Variants in PSRC1 observed in about 807,000 individuals in gnomAD.
PSRC1 encodes the protein proline and serine rich coiled-coil 1, also known as proline/serine-rich coiled-coil protein 1.
Under a neutral mutation model 31.9 loss-of-function variants are expected in PSRC1, and 30 were observed. That is an observed-to-expected ratio of 0.94 (90% CI 0.70 to 1.28). The LOEUF is 1.28. Ranked by LOEUF, PSRC1 falls within the 50% of genes most tolerant of loss-of-function variation. PSRC1 has a pLI of 0.00. For missense variants in PSRC1, 481 were observed against 472.8 expected, an observed-to-expected ratio of 1.02 and a Z score of -0.16; for synonymous variants, 191 against 192.1, an observed-to-expected ratio of 0.99 and a Z score of 0.05.
chr1:109,281,179 G>C, exon 5 of PSRC1: 6 of 1,613,676 alleles, frequency 3.7e-6, no homozygotes, highest in Non-Finnish European at 5.1e-6. Flanking sequence ...CCCCGGACTG[G>C]GGGAGTCGAT....
chr1:109,281,851 C>G (rs35471088), exon 4 of PSRC1: 11 of 1,613,742 alleles, frequency 6.8e-6, no homozygotes, highest in East Asian at 2.2e-5. Flanking sequence ...TGCGCTCTCC[C>G]GATCCTGCAG....
At chr1:109,280,887 C>T (rs115047241) in exon 5 of PSRC1, 65 of 1,614,074 alleles carry the variant, frequency 4.0e-5, no homozygotes, top group East Asian at 4.0e-4. Flanking sequence ...TGGCACACTC[C>T]GGCTGGTGAG....
Position 109,280,383 on chromosome 1 carries a change from G to T in PSRC1, c.1088+13C>A. ...GTAGGGAGACAGGATGGGCAAGGGA[G>T]GACCAGACTGACCTGGTAGGTCCTG... On this transcript the variant is annotated intron_variant, in intron 6 of 6. Transcript: ENST00000409138. 1 of 1,594,732 alleles carries T rather than the reference G, an allele frequency of 6.3e-7. No homozygotes were observed. The highest frequency in any genetic ancestry group is 1.1e-5 in the South Asian group (1 of 89,230).
rs1225336624 is a variant in PSRC1, at chr1:109,281,270, G to A, written c.520-19C>T. 3.2e-6 allele frequency: 5 copies of A among 1,538,654 alleles called. No homozygotes were observed. In the Admixed American group the frequency reaches 6.3e-5, roughly 19 times the overall value. On this transcript the variant is annotated intron_variant, in intron 4 of 6. Coordinates refer to ENST00000409138, the Ensembl canonical transcript of PSRC1. ...GTGACTCCTGAAACACAAAGAGAGA[G>A]AGAAAAAAGACTAGAGTGGAAAAAA...
At chr1:109,281,320 T>A in intron 4 of PSRC1, 69 bp from the exon 5 acceptor site, 1 of 1,340,964 alleles carries the variant, frequency 7.5e-7, no homozygotes, top group Non-Finnish European at 1.0e-6. Flanking sequence ...CTTAAGGAAT[T>A]AAGAAATAGA....
rs1570804796 is a variant in PSRC1 at position 109,279,816 on chromosome 1, A to T, written c.*337T>A. ...TCCAGTGAACCAATGCCAAGGAAGAAGATAAAATTCTCTGGGGCTGACCAC... is the reference window on the plus strand; with the variant it reads ...TCCAGTGAACCAATGCCAAGGAAGATGATAAAATTCTCTGGGGCTGACCAC... On this transcript the variant is annotated 3_prime_UTR_variant, in exon 7 of 7. Transcript: ENST00000409138. 8.4e-6 allele frequency: 3 copies of T among 356,756 alleles called. No homozygotes were observed. The Middle Eastern group carries it at 2.5e-3, about 293-fold the overall frequency. The allele number at this position is 356,756 out of a possible 1,614,324, so 22.1% of individuals were successfully genotyped here. A position where few individuals can be genotyped will look rare whatever the true frequency, so the allele number is the denominator to read the frequency against.
chr1:109,281,268 G>T lies in PSRC1; in HGVS notation c.520-17C>A. The T allele has an allele frequency of 6.5e-7, 1 of 1,548,378 alleles. No individual in the cohort carries two copies. Among genetic ancestry groups the T allele is most frequent in the South Asian group, 1.2e-5 (1 of 84,454 alleles). ...GGGTGACTCCTGAAACACAAAGAGA[G>T]AGAGAAAAAAGACTAGAGTGGAAAA... is the stretch of plus-strand genomic sequence containing the variant. On this transcript the variant is annotated splice_polypyrimidine_tract_variant and intron_variant, in intron 4 of 6. Coordinates refer to ENST00000409138, the Ensembl canonical transcript of PSRC1.
chr1:109,281,712 G>C (rs35138999), exon 4 of PSRC1: 2 of 1,613,924 alleles, frequency 1.2e-6, no homozygotes, highest in Admixed American at 1.7e-5. Flanking sequence ...GCGTCAGGCT[G>C]CTTGGGGAGG....
rs1457806410 is a variant in PSRC1 at position 109,282,671 on chromosome 1, T to C, written c.19+9A>G. On this transcript the variant is annotated intron_variant, in intron 2 of 6. Coordinates refer to ENST00000409138, the Ensembl canonical transcript of PSRC1. ...CTCCCTTTCATTCTTCCCTCCCTCC[T>C]TTCCTTACCTTCCTCCAAATCCTCC... The C allele has an allele frequency of 1.3e-6, 2 of 1,562,756 alleles. No individual in the cohort carries two copies. The highest frequency in any genetic ancestry group is 1.7e-6 in the Non-Finnish European group (2 of 1,152,360).
At chr1:109,281,018 C>T (rs1047480378) in exon 5 of PSRC1, 8 of 1,609,852 alleles carry the variant, frequency 5.0e-6, no homozygotes, top group South Asian at 1.1e-5. Flanking sequence ...GCTGTGGGGC[C>T]AGGACGGATC....
chr1:109,282,380 G>A (rs970858396), intron 3 of PSRC1, 138 bp downstream of exon 3: 66 of 747,960 alleles, frequency 8.8e-5, no homozygotes, highest in Middle Eastern at 3.3e-4. Flanking sequence ...ATAGAGGCCC[G>A]AGTCAGCCAG....
chr1:109,280,590 C>A, intron 5 of PSRC1, 101 bp from the exon 7 acceptor site: 1 of 1,055,266 alleles, frequency 9.5e-7, no homozygotes, highest in Non-Finnish European at 1.4e-6. Flanking sequence ...AGTACTCTCC[C>A]CCTGACCATG....
At chr1:109,280,304 T>C (rs1656831047) in intron 6 of PSRC1, 92 bp downstream of exon 7, 2 of 1,423,410 alleles carry the variant, frequency 1.4e-6, no homozygotes, top group Admixed American at 3.5e-5. Context: ...CATCTTTCCA[T>C]ACAAAATTCA....
chr1:109,282,461 G>T, intron 3 of PSRC1, 57 bp downstream of exon 3: 2 of 1,508,138 alleles, frequency 1.3e-6, no homozygotes, highest in South Asian at 1.1e-5. Flanking sequence ...AGCAGTAAGG[G>T]ATTCGAGACA....
exon 4 of PSRC1, chr1:109,281,818 C>A: frequency 6.2e-7 from 1 of 1,614,038 alleles, no homozygotes. Context: ...GGGCTTCACT[C>A]GGCGAGGCCC....
At chr1:109,281,554 C>G in intron 4 of PSRC1, 65 bp downstream of exon 4, 1 of 1,351,844 alleles carries the variant, frequency 7.4e-7, no homozygotes, top group Non-Finnish European at 1.0e-6. Flanking sequence ...ATAAGGAAAC[C>G]ACTCCCTGCA....
exon 4 of PSRC1, chr1:109,281,790 G>A (rs1206120145): frequency 1.2e-6 from 2 of 1,614,114 alleles, no homozygotes; most frequent in Admixed American, 1.7e-5. Context: ...TCAGCACAAA[G>A]GTCTCCCGCC....
chr1:109,281,337 G>A, intron 4 of PSRC1, 86 bp from the exon 5 acceptor site: 1 of 1,213,432 alleles, frequency 8.2e-7, no homozygotes, highest in South Asian at 1.6e-5. Flanking sequence ...TAGAGGTGGA[G>A]AGTTGTCTAC....
At position 109,280,480 on chromosome 1, in the gene PSRC1, GA is replaced by G. The variant is rs773173383; in HGVS notation, c.1003del (p.Ser335ProfsTer4). ...CATGACAGGAAGATTTAGTCGCTGG[GA>G]AACAGGAACTTCATGGGGGTTAACA... is the stretch of plus-strand genomic sequence containing the variant. On this transcript the variant is annotated frameshift_variant, in exon 6 of 7. Transcript: ENST00000409138. LOFTEE classifies it high-confidence loss of function. 1 of 1,612,630 alleles carries G rather than the reference GA, an allele frequency of 6.2e-7. No homozygotes were observed. The highest frequency in any genetic ancestry group is 8.5e-7 in the Non-Finnish European group (1 of 1,179,326).
Sources: allele counts gnomAD v4.1 joint callset, GRCh38; gene constraint gnomAD v4.1.1; transcripts MANE v1.5; gene names NCBI Gene and HGNC (gene_info 2026-07-23, HGNC 2026-07-21).